The following LIPC variants were observed in gnomAD, a reference collection of about 807,000 sequenced individuals.
The protein encoded by LIPC is lipase C, hepatic type, also known as hepatic triacylglycerol lipase.
Under a neutral mutation model 50.7 loss-of-function variants are expected in LIPC, and 44 were observed. The ratio of observed to expected loss-of-function variants is 0.87; its 90% CI spans 0.68 to 1.11. LIPC has a LOEUF of 1.11. Ranked by LOEUF, LIPC falls within the 50% of genes most tolerant of loss-of-function variation. The pLI is 0.00. For synonymous variants in LIPC, 271 were observed against 256.4 expected (o/e 1.06, Z -0.54); for missense variants, 697 against 648.2 (o/e 1.08, Z -0.82).
chr15:58,455,122 G>C (rs563199664), intron 1 of LIPC: 12 of 152,314 alleles, frequency 7.9e-5, no homozygotes, highest in African/African-American at 2.9e-4. Context: ...AGCCATGATG[G>C]CTGTATTTAT....
Position 58,432,003 on chromosome 15 carries a change from G to A in LIPC, c.-30G>A. ...TCTCTTTGGCTTCAGAAATTACCAA[G>A]AAAGCCTGGACCCCGGGTGAAACGG... On this transcript the variant is annotated 5_prime_UTR_variant, in exon 1 of 9. Transcript: ENST00000299022. The A allele has an allele frequency of 6.5e-7, 1 of 1,549,106 alleles. No homozygotes were observed. The highest frequency in any genetic ancestry group is 1.1e-5 in the South Asian group (1 of 89,794).
chr15:58,496,450 C>T (rs1484618286), intron 1 of LIPC, among the ~76,000 whole-genome samples: 2 of 152,024 alleles, frequency 1.3e-5, no homozygotes, highest in East Asian at 3.9e-4. Flanking sequence ...AAGTGCCTGG[C>T]ACGTAATAAA....
chr15:58,484,030 T>C (rs2140782513), intron 1 of LIPC, among the ~76,000 whole-genome samples: 1 of 152,280 alleles, frequency 6.6e-6, no homozygotes. Context: ...TTGGGGTGAA[T>C]CTACCAACAG....
intron 5 of LIPC, among the ~76,000 whole-genome samples, chr15:58,547,062 G>C (rs1893555796): frequency 6.6e-6 from 1 of 151,938 alleles, no homozygotes; most frequent in Non-Finnish European, 1.5e-5. Flanking sequence ...GATGGTGTAT[G>C]GGCTTTATTT....
At chr15:58,442,816 G>T (rs961144608) in intron 1 of LIPC, among the ~76,000 whole-genome samples, 1 of 146,680 alleles carries the variant, frequency 6.8e-6, no homozygotes, top group Admixed American at 7.2e-5. Context: ...ACCTCCCAAG[G>T]TCCTGTGATT....
chr15:58,477,654 C>T (rs1891044927), intron 1 of LIPC, among the ~76,000 whole-genome samples: 1 of 152,128 alleles, frequency 6.6e-6, no homozygotes, highest in South Asian at 2.1e-4. Flanking sequence ...ATTCTGTCCT[C>T]CATTGGAAGC....
intron 1 of LIPC, among the ~76,000 whole-genome samples, chr15:58,500,262 G>T (rs1158644606): frequency 3.3e-5 from 5 of 152,186 alleles, no homozygotes; most frequent in African/African-American, 1.2e-4. Context: ...TTCCTCGTAG[G>T]TAAGGTGGGA....
At chr15:58,471,328 T>TGCAGGGG (rs1555399294) in intron 1 of LIPC, among the ~76,000 whole-genome samples, 1 of 114,182 alleles carries the variant, frequency 8.8e-6, no homozygotes, top group African/African-American at 3.4e-5. Flanking sequence ...TTAGTAGAGA[T>TGCAGGGG]GGGGGGGGGT....
chr15:58,443,759 G>A (rs1893587426), intron 1 of LIPC, among the ~76,000 whole-genome samples: 1 of 152,250 alleles, frequency 6.6e-6, no homozygotes, highest in Admixed American at 6.5e-5. Flanking sequence ...GGCGGGCTGA[G>A]TCTGAAAAAG....
At chr15:58,551,469 C>G (rs769503705) in intron 6 of LIPC, among the ~76,000 whole-genome samples, 1 of 152,204 alleles carries the variant, frequency 6.6e-6, no homozygotes, top group African/African-American at 2.4e-5. Flanking sequence ...ACACAAGCCA[C>G]CTTTCAAGTG....
chr15:58,461,094 T>C (rs982737684), intron 1 of LIPC, among the ~76,000 whole-genome samples: 23 of 152,242 alleles, frequency 1.5e-4, no homozygotes, highest in African/African-American at 5.1e-4. Context: ...AGTGCAGAGC[T>C]TGAAGTGGTC....
chr15:58,517,425 G>A (rs986457900), intron 1 of LIPC, among the ~76,000 whole-genome samples: 1 of 152,224 alleles, frequency 6.6e-6, no homozygotes, highest in African/African-American at 2.4e-5. Context: ...TCTCTTATGT[G>A]GCAAAATAAA....
In LIPC at chr15:58,539,938, A is replaced by G. The variant is rs2233736; in HGVS notation, c.273+1421A>G. ...CTTCATCCCAGCACTCCCACAGGGC[A>G]TTCAGTGTCACCGGGAGTTCCCGTG... On this transcript the variant is annotated intron_variant, in intron 2 of 8. Transcript: ENST00000299022. Among the ~76,000 whole-genome samples, 53 of 152,314 alleles carry G rather than the reference A, an allele frequency of 3.5e-4. 1 individual carries two copies. In the East Asian group the frequency reaches 5.6e-3, roughly 16 times the overall value.
At chr15:58,520,949 T>C (rs946322359) in intron 1 of LIPC, among the ~76,000 whole-genome samples, 2 of 152,070 alleles carry the variant, frequency 1.3e-5, no homozygotes, top group African/African-American at 2.4e-5. Context: ...AGAAGGACAC[T>C]GGTTTGGGGT....
At chr15:58,452,431 AAG>A (rs1318960278) in intron 1 of LIPC, among the ~76,000 whole-genome samples, 2 of 152,246 alleles carry the variant, frequency 1.3e-5, no homozygotes, top group Non-Finnish European at 2.9e-5. Flanking sequence ...CTGAATTTAG[AAG>A]AGTGTGAACG....
At chr15:58,523,434 G>A (rs1484705125) in intron 1 of LIPC, 3 of 152,304 alleles carry the variant, frequency 2.0e-5, no homozygotes, top group Non-Finnish European at 1.5e-5. Context: ...CATCTAGCTA[G>A]ACAGACACGT....
intron 1 of LIPC, among the ~76,000 whole-genome samples, chr15:58,461,176 T>C (rs1305669914): frequency 2.6e-5 from 4 of 152,166 alleles, no homozygotes; most frequent in African/African-American, 7.2e-5. Context: ...CATTTAAAGA[T>C]TGGCTGCAAT....
At chr15:58,540,963 GC>G (rs1245529676) in intron 2 of LIPC, among the ~76,000 whole-genome samples, 4 of 151,992 alleles carry the variant, frequency 2.6e-5, no homozygotes, top group African/African-American at 9.7e-5. Flanking sequence ...ATCACACCTG[GC>G]TAACTTTTGT....
chr15:58,453,922 C>A (rs1039670781), intron 1 of LIPC, among the ~76,000 whole-genome samples: 1 of 152,008 alleles, frequency 6.6e-6, no homozygotes, highest in African/African-American at 2.4e-5. Context: ...ATGTGGGTTC[C>A]TTAGCACCTG....
Sources: gnomAD v4.1 joint callset for allele counts (sites outside exome capture counted in the v4.1 genomes callset) on GRCh38, gnomAD v4.1.1 for gene constraint, MANE v1.5 for transcripts, NCBI Gene and HGNC (gene_info 2026-07-23, HGNC 2026-07-21) for gene names.